The following RSU1 variants were observed in gnomAD, a reference collection of about 807,000 sequenced individuals.
RSU1 encodes the protein Ras suppressor protein 1.
Under a neutral mutation model 31.1 loss-of-function variants are expected in RSU1, and 26 were observed. The ratio of observed to expected loss-of-function variants is 0.84; its 90% CI spans 0.61 to 1.16. The LOEUF is 1.16. Ranked by LOEUF, RSU1 falls within the 50% of genes most tolerant of loss-of-function variation. RSU1 has a pLI of 0.00. For synonymous variants in RSU1, 164 were observed against 136.3 expected (o/e 1.20, Z -1.41); for missense variants, 320 against 339.1 (o/e 0.94, Z 0.44).
At chr10:16,604,300 G>A (rs942082023) in intron 8 of RSU1, among the ~76,000 whole-genome samples, 10 of 152,130 alleles carry the variant, frequency 6.6e-5, no homozygotes, top group African/African-American at 2.2e-4. Context: ...AGTGCGCCTC[G>A]ACTATAAGCA....
intron 8 of RSU1, among the ~76,000 whole-genome samples, chr10:16,595,222 T>A (rs1244550904): frequency 6.6e-6 from 1 of 152,194 alleles, no homozygotes; most frequent in Non-Finnish European, 1.5e-5. Context: ...CGTCCAATAC[T>A]AGTGTTCTTG....
intron 7 of RSU1, among the ~76,000 whole-genome samples, chr10:16,745,200 T>G (rs1246107706): frequency 3.3e-5 from 5 of 152,198 alleles, no homozygotes; most frequent in Admixed American, 6.5e-5. Context: ...CGTATGTGTA[T>G]GTGCGTGTGT....
rs1410547714 is a variant in RSU1 at position 16,687,923 on chromosome 10, T to C, written c.731+7100A>G. Among the ~76,000 whole-genome samples the C allele has an allele frequency of 2.6e-5, 4 of 152,070 alleles. No individual in the cohort carries two copies. The East Asian group carries it at 5.8e-4, about 22-fold the overall frequency. Reference sequence around the variant, plus strand: ...TTTCTGTACAGACGAAGTCTCACTATGTTGCCCAGGCTGGTCTTGAACTCC... The same window carrying C: ...TTTCTGTACAGACGAAGTCTCACTACGTTGCCCAGGCTGGTCTTGAACTCC... On this transcript the variant is annotated intron_variant, in intron 8 of 8. Coordinates refer to ENST00000345264, the MANE Select transcript of RSU1 (RefSeq NM_012425.4).
intron 8 of RSU1, among the ~76,000 whole-genome samples, chr10:16,664,041 TC>T (rs1231987406): frequency 2.0e-5 from 3 of 152,280 alleles, no homozygotes; most frequent in Admixed American, 6.5e-5. Flanking sequence ...TAAATATGAC[TC>T]CACGAACACT....
rs975520966 is a variant in RSU1, at chr10:16,728,844, T to C, written c.598+23695A>G. ...AAGGAAGGGGCTGTAAGCCAAGGAATGCAGGCACTCACTAGAAGCTGAGAA... is the reference window on the plus strand; with the variant it reads ...AAGGAAGGGGCTGTAAGCCAAGGAACGCAGGCACTCACTAGAAGCTGAGAA... On this transcript the variant is annotated intron_variant, in intron 7 of 8. Transcript: ENST00000345264. Among the ~76,000 whole-genome samples, 3 of 152,176 alleles carry C rather than the reference T, an allele frequency of 2.0e-5. No homozygotes were observed. In the East Asian group the frequency reaches 5.8e-4, roughly 29 times the overall value.
chr10:16,750,284 A>C (rs1181663347), intron 7 of RSU1, among the ~76,000 whole-genome samples: 1 of 152,204 alleles, frequency 6.6e-6, no homozygotes, highest in Non-Finnish European at 1.5e-5. Context: ...TTTATCACGT[A>C]CTTACAACTG....
At chr10:16,743,946 C>T (rs891681666) in intron 7 of RSU1, among the ~76,000 whole-genome samples, 2 of 151,708 alleles carry the variant, frequency 1.3e-5, no homozygotes, top group Non-Finnish European at 2.9e-5. Context: ...GCCTGGGCAA[C>T]GTAGGGAGAC....
chr10:16,642,160 TAGAG>T (rs924882700), intron 8 of RSU1, among the ~76,000 whole-genome samples: 3 of 152,106 alleles, frequency 2.0e-5, no homozygotes, highest in African/African-American at 7.2e-5. Flanking sequence ...CATCACCTGA[TAGAG>T]AGGAATACTG....
Position 16,610,135 on chromosome 10 carries a change from A to G in RSU1, c.732-16639T>C, listed in dbSNP as rs369973081. ...TGATGATGAATAATTTAGTAAATTT[A>G]TTACATAAATTTAATGATTTTTTGA... On this transcript the variant is annotated intron_variant, in intron 8 of 8. Transcript: ENST00000345264. 1.1e-4 allele frequency among the ~76,000 whole-genome samples: 16 copies of G among 152,334 alleles called. 1 individual carries two copies. In the East Asian group the frequency reaches 2.9e-3, roughly 28 times the overall value.
intron 8 of RSU1, among the ~76,000 whole-genome samples, chr10:16,633,882 G>A (rs183374020): frequency 5.3e-5 from 8 of 152,288 alleles, no homozygotes; most frequent in East Asian, 1.9e-4. Context: ...GACCGAGACC[G>A]ATTGGACATC....
chr10:16,663,664 C>A (rs1834930360), intron 8 of RSU1, among the ~76,000 whole-genome samples: 1 of 152,130 alleles, frequency 6.6e-6, no homozygotes, highest in Non-Finnish European at 1.5e-5. Flanking sequence ...CGTCAGTATG[C>A]AGAGGTCACC....
At position 16,668,633 on chromosome 10, in the gene RSU1, CT is replaced by C. The variant is rs1207643475; in HGVS notation, c.731+26389del. Reference sequence around the variant, plus strand: ...TTCCCCCCAAGTTTTACTGCTTTCCCTGGTTCTCAGTGCAGTCACAAAGGTC... The same window carrying C: ...TTCCCCCCAAGTTTTACTGCTTTCCCGGTTCTCAGTGCAGTCACAAAGGTC... On this transcript the variant is annotated intron_variant, in intron 8 of 8. Coordinates refer to ENST00000345264, the MANE Select transcript of RSU1 (RefSeq NM_012425.4). 5.3e-5 allele frequency among the ~76,000 whole-genome samples: 8 copies of C among 152,178 alleles called. No homozygotes were observed. The South Asian group carries it at 8.3e-4, about 16-fold the overall frequency.
intron 8 of RSU1, among the ~76,000 whole-genome samples, chr10:16,641,445 C>A (rs1588689287): frequency 6.7e-6 from 1 of 150,260 alleles, no homozygotes; most frequent in African/African-American, 2.5e-5. Context: ...TAAGCCGAGA[C>A]TGTGCCACTG....
At chr10:16,717,226 T>C (rs866010281) in intron 7 of RSU1, among the ~76,000 whole-genome samples, 2 of 152,232 alleles carry the variant, frequency 1.3e-5, no homozygotes, top group South Asian at 4.1e-4. Context: ...TTTGGTGCTA[T>C]GTGTTACATT....
chr10:16,643,324 T>C (rs1834477871), intron 8 of RSU1, among the ~76,000 whole-genome samples: 1 of 152,232 alleles, frequency 6.6e-6, no homozygotes, highest in South Asian at 2.1e-4. Context: ...TCCTAGTAGA[T>C]ACTTTGAAGA....
chr10:16,705,807 T>C (rs1482567568), intron 7 of RSU1, among the ~76,000 whole-genome samples: 1 of 152,154 alleles, frequency 6.6e-6, no homozygotes, highest in East Asian at 1.9e-4. Context: ...ATTGTATTTA[T>C]TTATTGGCTG....
At chr10:16,758,105 G>A (rs1036293524) in intron 4 of RSU1, among the ~76,000 whole-genome samples, 1 of 152,200 alleles carries the variant, frequency 6.6e-6, no homozygotes, top group Non-Finnish European at 1.5e-5. Flanking sequence ...GAACACAGCA[G>A]AGTCCCATGT....
intron 8 of RSU1, among the ~76,000 whole-genome samples, chr10:16,679,869 GTTTTTTTTTTTTTTTTT>G: frequency 8.0e-6 from 1 of 124,654 alleles, no homozygotes; most frequent in Non-Finnish European, 1.6e-5. Context: ...AAAGACTCAA[GTTTTTTTTTTTTTTTTT>G]TTTTTTTTTT....
intron 7 of RSU1, among the ~76,000 whole-genome samples, chr10:16,732,337 C>A (rs956319159): frequency 1.3e-5 from 2 of 152,128 alleles, no homozygotes; most frequent in Non-Finnish European, 1.5e-5. Flanking sequence ...TGTTAAAGCC[C>A]TAAGTGCTAA....
Sources: allele counts gnomAD v4.1 joint callset (sites outside exome capture counted in the v4.1 genomes callset), GRCh38; gene constraint gnomAD v4.1.1; transcripts MANE v1.5; gene names NCBI Gene and HGNC (gene_info 2026-07-23, HGNC 2026-07-21).